TMEM132D: variants seen among roughly 807,000 people sequenced by gnomAD.
The protein encoded by TMEM132D is mature OL transmembrane protein.
In TMEM132D, 21 loss-of-function variants were observed where a neutral mutation model predicts 62.3. The ratio of observed to expected loss-of-function variants is 0.34; its 90% CI spans 0.24 to 0.49. The LOEUF (loss-of-function observed/expected upper bound fraction) is 0.49, where lower values mean the gene tolerates loss of function less well. Ranked by LOEUF, TMEM132D falls within the 20% of genes least tolerant of loss-of-function variation. The pLI, the probability that TMEM132D is intolerant of heterozygous loss-of-function variation, is 0.99. For synonymous variants in TMEM132D, 621 were observed against 575.6 expected, an observed-to-expected ratio of 1.08 and a Z score of -1.13; for missense variants, 1,346 against 1,402.8, an observed-to-expected ratio of 0.96 and a Z score of 0.65.
chr12:129,873,566 C>T (rs1443611641), intron 1 of TMEM132D, among the ~76,000 whole-genome samples: 1 of 152,164 alleles, frequency 6.6e-6, no homozygotes, highest in East Asian at 1.9e-4. Flanking sequence ...GACGCTGAAC[C>T]AGCGTGAACC....
At chr12:129,076,310 C>T (rs570110320) in intron 8 of TMEM132D, among the ~76,000 whole-genome samples, 2 of 152,326 alleles carry the variant, frequency 1.3e-5, no homozygotes, top group Non-Finnish European at 2.9e-5. Flanking sequence ...AAAGTGCTGA[C>T]CTTCCCTTTC....
chr12:129,187,595 C>T (rs1348089016), intron 5 of TMEM132D, among the ~76,000 whole-genome samples: 1 of 115,478 alleles, frequency 8.7e-6, no homozygotes, highest in Non-Finnish European at 2.0e-5. Context: ...TTGTAATGGA[C>T]CCAGCTGTGC....
chr12:129,782,852 C>T (rs1325359342), intron 1 of TMEM132D, among the ~76,000 whole-genome samples: 2 of 152,236 alleles, frequency 1.3e-5, no homozygotes, highest in Admixed American at 6.5e-5. Context: ...CCCCTCGAGG[C>T]GTAGGAGGCA....
intron 5 of TMEM132D, among the ~76,000 whole-genome samples, chr12:129,094,342 T>C (rs994710129): frequency 6.6e-6 from 1 of 151,708 alleles, no homozygotes; most frequent in Non-Finnish European, 1.5e-5. Context: ...CAAGAAAAAA[T>C]CAAACAACCC....
At chr12:129,799,265 G>C (rs944623737) in intron 1 of TMEM132D, among the ~76,000 whole-genome samples, 9 of 149,318 alleles carry the variant, frequency 6.0e-5, no homozygotes, top group African/African-American at 2.3e-4. Flanking sequence ...TGGGCAACAA[G>C]AGCGAGACTC....
chr12:129,839,096 G>T (rs1381723953), intron 1 of TMEM132D, among the ~76,000 whole-genome samples: 1 of 108,294 alleles, frequency 9.2e-6, no homozygotes, highest in East Asian at 2.7e-4. Context: ...GATTACAGGC[G>T]TCCACCACCA....
At chr12:129,130,535 G>A (rs1876346750) in intron 5 of TMEM132D, among the ~76,000 whole-genome samples, 1 of 152,178 alleles carries the variant, frequency 6.6e-6, no homozygotes. Context: ...GTTCTAGAAC[G>A]TTCTTGACAC....
At position 129,203,692 on chromosome 12, in the gene TMEM132D, C is replaced by G. The variant is rs572573262; in HGVS notation, c.1443+5828G>C. ...CCCTCTCTTGCCTCCCATAGCCAGACGTGTCACACCCAGAGAGCTTCCAAC... is the reference window on the plus strand; with the variant it reads ...CCCTCTCTTGCCTCCCATAGCCAGAGGTGTCACACCCAGAGAGCTTCCAAC... On this transcript the variant is annotated intron_variant, in intron 5 of 8. Transcript: ENST00000422113. Among the ~76,000 whole-genome samples the G allele has an allele frequency of 1.8e-4, 27 of 152,364 alleles. 1 individual carries two copies. The highest frequency in any genetic ancestry group is 3.4e-3 in the Middle Eastern group (1 of 294).
At chr12:129,252,500 A>G (rs147852233) in intron 4 of TMEM132D, among the ~76,000 whole-genome samples, 1 of 152,330 alleles carries the variant, frequency 6.6e-6, no homozygotes, top group East Asian at 1.9e-4. Context: ...TGTCTCTCAG[A>G]AAGATTCTAC....
chr12:129,321,691 T>C (rs1192657127), intron 4 of TMEM132D, among the ~76,000 whole-genome samples: 1 of 152,136 alleles, frequency 6.6e-6, no homozygotes, highest in East Asian at 1.9e-4. Context: ...CCCGACTAGC[T>C]GGGACTACAG....
chr12:129,303,253 T>A (rs1336304225), intron 4 of TMEM132D, among the ~76,000 whole-genome samples: 1 of 394 alleles, frequency 2.5e-3, no homozygotes, highest in Admixed American at 0.023. Context: ...GCCTCCACCA[T>A]CATCACTCGC....
At chr12:129,626,989 A>T (rs1477568298) in intron 2 of TMEM132D, among the ~76,000 whole-genome samples, 3 of 152,164 alleles carry the variant, frequency 2.0e-5, no homozygotes, top group Non-Finnish European at 4.4e-5. Context: ...TGTTTCAAAA[A>T]AGGAGGACGA....
intron 5 of TMEM132D, among the ~76,000 whole-genome samples, chr12:129,162,110 A>G (rs572606847): frequency 6.1e-4 from 93 of 152,308 alleles, no homozygotes; most frequent in African/African-American, 2.1e-3. Flanking sequence ...TCTAACTCCA[A>G]TCTGGCTGTT....
chr12:129,459,085 C>T (rs1005161913), intron 3 of TMEM132D, among the ~76,000 whole-genome samples: 2 of 152,166 alleles, frequency 1.3e-5, no homozygotes, highest in African/African-American at 4.8e-5. Flanking sequence ...ACCAGGAACA[C>T]TTCTTCCCTC....
intron 5 of TMEM132D, among the ~76,000 whole-genome samples, chr12:129,103,639 T>A (rs1480456341): frequency 2.0e-5 from 3 of 152,198 alleles, no homozygotes; most frequent in Non-Finnish European, 4.4e-5. Flanking sequence ...CACCTCAGCC[T>A]CCTAAAGTGC....
rs555931369 is a variant in TMEM132D, at chr12:129,738,880, C to T, written c.80-38182G>A. ...AGACAAACAATACGTGTCTTCTACACGTACATTATACCCAGAAGTATAATG... is the reference window on the plus strand; with the variant it reads ...AGACAAACAATACGTGTCTTCTACATGTACATTATACCCAGAAGTATAATG... On this transcript the variant is annotated intron_variant, in intron 1 of 8. Transcript: ENST00000422113. 4.1e-4 allele frequency among the ~76,000 whole-genome samples: 63 copies of T among 152,202 alleles called. No individual in the cohort carries two copies. In the South Asian group the frequency reaches 7.3e-3, roughly 18 times the overall value.
intron 1 of TMEM132D, among the ~76,000 whole-genome samples, chr12:129,741,196 T>C (rs898506264): frequency 1.3e-5 from 2 of 152,180 alleles, no homozygotes; most frequent in African/African-American, 2.4e-5. Flanking sequence ...TTTTGAAACA[T>C]CAAGAGATCT....
chr12:129,663,660 G>A (rs1316195425), intron 2 of TMEM132D, among the ~76,000 whole-genome samples: 1 of 152,154 alleles, frequency 6.6e-6, no homozygotes, highest in Non-Finnish European at 1.5e-5. Context: ...GGGAACTGTT[G>A]GAAGCAGTTT....
intron 4 of TMEM132D, among the ~76,000 whole-genome samples, chr12:129,255,649 C>T (rs373972677): frequency 2.6e-4 from 39 of 152,274 alleles, no homozygotes; most frequent in African/African-American, 7.9e-4. Context: ...TATGACTTTA[C>T]GTGTCCTCAA....
Sources: allele counts gnomAD v4.1 joint callset (sites outside exome capture counted in the v4.1 genomes callset), GRCh38; gene constraint gnomAD v4.1.1; transcripts MANE v1.5; gene names NCBI Gene and HGNC (gene_info 2026-07-23, HGNC 2026-07-21).